Variants in ARHGAP22 observed in about 807,000 individuals in gnomAD.
ARHGAP22 encodes the protein Rho GTPase activating protein 22.
ARHGAP22 carries 48 observed loss-of-function variants against 59.1 expected under a neutral mutation model. That is an observed-to-expected ratio of 0.81 (90% CI 0.64 to 1.03). ARHGAP22 has a LOEUF of 1.03. Ranked by LOEUF, ARHGAP22 falls within the 50% of genes least tolerant of loss-of-function variation. The probability of loss-of-function intolerance (pLI) is 0.00; values close to 1 mark genes in which losing one functional copy is unlikely to be tolerated. For missense variants in ARHGAP22, 1,015 were observed against 958.7 expected, an observed-to-expected ratio of 1.06 and a Z score of -0.78; for synonymous variants, 445 against 416.4, an observed-to-expected ratio of 1.07 and a Z score of -0.84.
Position 48,450,376 on chromosome 10 carries a change from G to C in ARHGAP22, c.1753C>G (p.Pro585Ala), listed in dbSNP as rs766105846. 2 of 1,575,348 alleles carry C rather than the reference G, an allele frequency of 1.3e-6. No homozygotes were observed. Among genetic ancestry groups the C allele is most frequent in the Non-Finnish European group, 1.7e-6 (2 of 1,161,176 alleles). The change falls in exon 9 of 10, where the codon CCG becomes GCG. Residue 585 changes from proline to alanine, a missense_variant. Coordinates refer to ENST00000249601, the MANE Select transcript of ARHGAP22 (RefSeq NM_021226.4). Reference protein sequence around the residue: ...AGASNSEPSEPDSPTREHARR... With the variant: ...AGASNSEPSEADSPTREHARR... ...GCGTGTTCCCGGGTGGGGCTGTCCG[G>C]CTCGCTGGGCTCGCTGTTGCTGGCA...
At chr10:48,645,823 A>AG (rs1423466722) in intron 1 of ARHGAP22, among the ~76,000 whole-genome samples, 3 of 152,160 alleles carry the variant, frequency 2.0e-5, no homozygotes, top group Non-Finnish European at 4.4e-5. Flanking sequence ...TGAGAGACAA[A>AG]GGGAAAAAAG....
At chr10:48,441,946 C>A (rs77383041), downstream of ARHGAP22, among the ~76,000 whole-genome samples, 98 of 152,308 alleles carry the variant, frequency 6.4e-4, 1 homozygote, top group East Asian at 0.017. Flanking sequence ...ACACTGGGAT[C>A]CCCTGGATGG....
intron 4 of ARHGAP22, among the ~76,000 whole-genome samples, chr10:48,461,169 T>C (rs1295424807): frequency 6.6e-6 from 1 of 152,084 alleles, no homozygotes; most frequent in Non-Finnish European, 1.5e-5. Flanking sequence ...GTTTTAAAAA[T>C]TAGAAGACAA....
intron 1 of ARHGAP22, among the ~76,000 whole-genome samples, chr10:48,626,680 A>G (rs2061460341): frequency 6.6e-6 from 1 of 152,226 alleles, no homozygotes; most frequent in Admixed American, 6.5e-5. Flanking sequence ...GCCTGTCCCC[A>G]GGACACTCAT....
chr10:48,446,585 T>C lies in ARHGAP22; in HGVS notation c.1903A>G (p.Met635Val). 1 of 1,614,210 alleles carries C rather than the reference T, an allele frequency of 6.2e-7. No homozygotes were observed. Among genetic ancestry groups the C allele is most frequent in the Non-Finnish European group, 8.5e-7 (1 of 1,180,026 alleles). The change falls in exon 10 of 10, where the codon ATG (methionine) becomes GTG (valine). Residue 635 changes from methionine (M) to valine (V), a missense_variant. By Grantham distance (21) the Met-to-Val change is conservative (BLOSUM62 1). Coordinates refer to ENST00000249601, the MANE Select transcript of ARHGAP22 (RefSeq NM_021226.4). The part of the protein sequence containing the change: ...EEGSADLRKR[M>V]SRLEEELDQE... ...TCCAGTTCTTCTTCTAACCGGGACA[T>C]TCGTTTTCTCAGGTCAGCACTCCCT...
intron 3 of ARHGAP22, among the ~76,000 whole-genome samples, chr10:48,480,582 G>A (rs910621885): frequency 1.1e-4 from 17 of 152,286 alleles, no homozygotes; most frequent in African/African-American, 4.1e-4. Context: ...GTGGGCCCAA[G>A]CCACGCTTTG....
rs768194028 is a variant in ARHGAP22, at chr10:48,450,865, C to T, written c.1264G>A (p.Val422Met). ...GACTTCCAACTGGGCAGGGTCTGCA[C>T]CTTCTTCCCAGGGCTGCACCGGCTC... is the stretch of plus-strand genomic sequence containing the variant. ...PGSRCSPGKK[V>M]QTLPSWKSSF... Residue 422 changes from valine (V) to methionine (M), a missense_variant, in exon 9 of 10, where the codon GTG (valine) becomes ATG (methionine). Transcript: ENST00000249601. The T allele has an allele frequency of 6.3e-7, 1 of 1,590,004 alleles. No individual in the cohort carries two copies. Among genetic ancestry groups the T allele is most frequent in the Non-Finnish European group, 8.6e-7 (1 of 1,169,304 alleles).
At chr10:48,547,417 G>T (rs1008879574) in intron 3 of ARHGAP22, among the ~76,000 whole-genome samples, 5 of 152,374 alleles carry the variant, frequency 3.3e-5, no homozygotes, top group African/African-American at 1.2e-4. Flanking sequence ...GAGTTGGGGG[G>T]GAGGCCCCAA....
intron 1 of ARHGAP22, among the ~76,000 whole-genome samples, chr10:48,603,277 G>A (rs997992221): frequency 6.6e-6 from 1 of 152,134 alleles, no homozygotes; most frequent in Non-Finnish European, 1.5e-5. Flanking sequence ...CTGAAGCACT[G>A]GTCTCTTACT....
At chr10:48,582,763 G>T in intron 2 of ARHGAP22, 190 bp downstream of exon 2, 1 of 633,944 alleles carries the variant, frequency 1.6e-6, no homozygotes, top group Non-Finnish European at 2.7e-6. Context: ...TTGTGGACAT[G>T]TTCCAGTAAA....
rs781427375 is a variant in ARHGAP22, at chr10:48,450,404, C to T, written c.1725G>A (p.Ala575=). 7 of 1,569,256 alleles carry T rather than the reference C, an allele frequency of 4.5e-6. No homozygotes were observed. The highest frequency in any genetic ancestry group is 3.7e-5 in the Admixed American group (2 of 53,976). The change falls in exon 9 of 10, where the codon GCG becomes GCA. Residue 575 remains alanine, a synonymous_variant. Coordinates refer to ENST00000249601, the MANE Select transcript of ARHGAP22 (RefSeq NM_021226.4). The part of the protein sequence containing the change: ...DLDHSMDEAG[A]GASNSEPSEP... ...CGCTGGGCTCGCTGTTGCTGGCACC[C>T]GCGCCCGCCTCGTCCATGCTGTGGT...
intron 6 of ARHGAP22, among the ~76,000 whole-genome samples, 191 bp from the exon 7 acceptor site, chr10:48,454,352 C>G (rs970866784): frequency 6.6e-6 from 1 of 152,192 alleles, no homozygotes; most frequent in Admixed American, 6.5e-5. Flanking sequence ...TCCTGGGAAG[C>G]TAACTTGCTT....
At chr10:48,555,237 C>A (rs1435506741) in intron 3 of ARHGAP22, among the ~76,000 whole-genome samples, 1 of 152,226 alleles carries the variant, frequency 6.6e-6, no homozygotes. Flanking sequence ...ATTTAAAAAT[C>A]CTCGTTTCGC....
chr10:48,458,969 C>A (rs2046856335), intron 5 of ARHGAP22, among the ~76,000 whole-genome samples: 1 of 152,174 alleles, frequency 6.6e-6, no homozygotes, highest in South Asian at 2.1e-4. Flanking sequence ...GGGCTGCCTG[C>A]AGGTCCTGGT....
the ARHGAP22 span, among the ~76,000 whole-genome samples, chr10:48,434,725 G>A: frequency 6.6e-6 from 1 of 152,198 alleles, no homozygotes; most frequent in East Asian, 1.9e-4. Flanking sequence ...AATGAAGAGT[G>A]TTTTTAAGTT....
the ARHGAP22 span, chr10:48,438,542 CT>C: frequency 1.3e-5 from 2 of 152,190 alleles, no homozygotes; most frequent in Non-Finnish European, 2.9e-5. Flanking sequence ...GTTACTGAAA[CT>C]TTTGAGAAAT....
chr10:48,466,682 T>C (rs1246532754), intron 4 of ARHGAP22: 1 of 170 alleles, frequency 5.9e-3, no homozygotes, highest in East Asian at 0.1. Context: ...ATGGCGCGCC[T>C]ATCGCGGCGG....
chr10:48,530,994 C>T (rs979818411), intron 3 of ARHGAP22, among the ~76,000 whole-genome samples: 2 of 152,164 alleles, frequency 1.3e-5, no homozygotes, highest in African/African-American at 2.4e-5. Flanking sequence ...CAGCGCAATT[C>T]GCTATTACAA....
intron 1 of ARHGAP22, among the ~76,000 whole-genome samples, chr10:48,601,163 C>T (rs1002803971): frequency 2.0e-5 from 3 of 152,194 alleles, no homozygotes; most frequent in African/African-American, 7.2e-5. Flanking sequence ...CAAACCTGGG[C>T]AGGGGCATCA....
Sources: gnomAD v4.1 joint callset for allele counts (sites outside exome capture counted in the v4.1 genomes callset) on GRCh38, gnomAD v4.1.1 for gene constraint, MANE v1.5 for transcripts, NCBI Gene and HGNC (gene_info 2026-07-23, HGNC 2026-07-21) for gene names.